Variants in GALNT14 observed in about 807,000 individuals in gnomAD.
The protein encoded by GALNT14 is polypeptide N-acetylgalactosaminyltransferase 14.
A neutral mutation model predicts 77.5 loss-of-function variants in GALNT14; 60 were observed. That is an observed-to-expected ratio of 0.77 (90% CI 0.63 to 0.96). The LOEUF is 0.96. Among genes scored for constraint, GALNT14 ranks in the 40% least tolerant of loss-of-function variants. The probability of loss-of-function intolerance (pLI) is 0.00; values close to 1 mark genes in which losing one functional copy is unlikely to be tolerated. For missense variants in GALNT14, 710 were observed against 731.0 expected, an observed-to-expected ratio of 0.97 and a Z score of 0.33; for synonymous variants, 280 against 281.7, an observed-to-expected ratio of 0.99 and a Z score of 0.06.
intron 11 of GALNT14, among the ~76,000 whole-genome samples, chr2:30,926,735 G>C (rs1665405911): frequency 6.8e-6 from 1 of 147,580 alleles, no homozygotes; most frequent in Admixed American, 6.7e-5. Flanking sequence ...GGGACTGGGG[G>C]ACACCAGAGG....
intron 6 of GALNT14, among the ~76,000 whole-genome samples, chr2:30,952,451 TC>T (rs1412337729): frequency 6.6e-6 from 1 of 151,404 alleles, no homozygotes; most frequent in Admixed American, 6.6e-5. Context: ...TGAGTTCATG[TC>T]CTTTGTAGGG....
chr2:31,099,049 T>G (rs2194466), intron 1 of GALNT14, among the ~76,000 whole-genome samples: 14,234 of 152,044 alleles, frequency 0.094, 928 homozygotes, highest in African/African-American at 0.18. Context: ...AAACCCATGT[T>G]GTTCTGAATT....
intron 10 of GALNT14, among the ~76,000 whole-genome samples, chr2:30,931,644 C>T (rs917265099): frequency 6.6e-6 from 1 of 152,074 alleles, no homozygotes; most frequent in African/African-American, 2.4e-5. Flanking sequence ...CTTGGGCCTC[C>T]CCATTCCCTG....
chr2:30,933,187 C>T (rs962719097), intron 9 of GALNT14, among the ~76,000 whole-genome samples: 17 of 152,156 alleles, frequency 1.1e-4, no homozygotes, highest in African/African-American at 3.6e-4. Flanking sequence ...GTTATCATTG[C>T]TCTTAAATTT....
intron 13 of GALNT14, among the ~76,000 whole-genome samples, chr2:30,912,728 T>TAGCA (rs1412531386): frequency 6.6e-6 from 1 of 152,212 alleles, no homozygotes; most frequent in Admixed American, 6.5e-5. Context: ...AGCAGCCATC[T>TAGCA]AGCAGGTCAA....
intron 1 of GALNT14, among the ~76,000 whole-genome samples, chr2:31,092,250 A>G (rs1393106904): frequency 7.2e-6 from 1 of 137,980 alleles, no homozygotes; most frequent in Non-Finnish European, 1.6e-5. Flanking sequence ...AATTTTCCTT[A>G]ATAAACTCCC....
chr2:31,100,909 A>G (rs182401924), intron 1 of GALNT14, among the ~76,000 whole-genome samples: 1 of 152,172 alleles, frequency 6.6e-6, no homozygotes, highest in Admixed American at 6.6e-5. Flanking sequence ...ATCTAACACA[A>G]ACCCTATTTT....
chr2:31,013,586 G>T (rs558405911), intron 1 of GALNT14, among the ~76,000 whole-genome samples: 1 of 152,126 alleles, frequency 6.6e-6, no homozygotes, highest in African/African-American at 2.4e-5. Context: ...GTTCAAGTAC[G>T]GACAGCAGGA....
intron 11 of GALNT14, among the ~76,000 whole-genome samples, chr2:30,928,092 T>C (rs1001098567): frequency 4.6e-5 from 7 of 152,028 alleles, no homozygotes; most frequent in African/African-American, 1.7e-4. Flanking sequence ...GGCCAACAGA[T>C]TGGAAGTTCT....
chr2:31,071,439 G>A (rs1675357982), intron 1 of GALNT14, among the ~76,000 whole-genome samples: 1 of 152,196 alleles, frequency 6.6e-6, no homozygotes, highest in Non-Finnish European at 1.5e-5. Flanking sequence ...CTGAAATCAA[G>A]GGTGGATGGA....
At chr2:30,924,349 G>C (rs75177802) in intron 12 of GALNT14, 86 bp from the exon 13 acceptor site, 1 of 1,406,092 alleles carries the variant, frequency 7.1e-7, no homozygotes, top group South Asian at 1.2e-5. Flanking sequence ...GCAGTGTTCT[G>C]AGAATGGCAG....
intron 1 of GALNT14, among the ~76,000 whole-genome samples, chr2:31,052,778 A>G (rs571136005): frequency 1.3e-5 from 2 of 152,350 alleles, no homozygotes; most frequent in East Asian, 3.9e-4. Context: ...AAACAAAAAT[A>G]CAGGACACCC....
chr2:30,901,543 T>C, the GALNT14 span, among the ~76,000 whole-genome samples: 1 of 151,608 alleles, frequency 6.6e-6, no homozygotes, highest in African/African-American at 2.4e-5. Flanking sequence ...TTAATACATA[T>C]ATATGAGTAT....
At chr2:31,123,558 T>C (rs1405625872) in intron 1 of GALNT14, among the ~76,000 whole-genome samples, 2 of 152,200 alleles carry the variant, frequency 1.3e-5, no homozygotes, top group Admixed American at 1.3e-4. Context: ...TTGCGGCAAA[T>C]GCTTCTTTCA....
intron 2 of GALNT14, among the ~76,000 whole-genome samples, chr2:30,982,555 A>G (rs1669052394): frequency 6.6e-6 from 1 of 152,246 alleles, no homozygotes; most frequent in Admixed American, 6.5e-5. Flanking sequence ...AGCCAGATAC[A>G]CATGAGTACA....
At chr2:30,969,302 A>G (rs1344237992) in intron 2 of GALNT14, among the ~76,000 whole-genome samples, 1 of 152,184 alleles carries the variant, frequency 6.6e-6, no homozygotes, top group East Asian at 1.9e-4. Context: ...ATGCTCTGAA[A>G]TCCCTCATGG....
chr2:30,928,303 A>G (rs941704277), intron 11 of GALNT14, among the ~76,000 whole-genome samples: 2 of 152,214 alleles, frequency 1.3e-5, no homozygotes, highest in African/African-American at 2.4e-5. Context: ...GGGTGATGTT[A>G]GTATGACAAA....
the GALNT14 span, among the ~76,000 whole-genome samples, chr2:30,896,417 T>C: frequency 0.019 from 2,875 of 152,328 alleles, 40 homozygotes; most frequent in Middle Eastern, 0.041. Flanking sequence ...AGTGGACTTC[T>C]TGGACTTGAA....
rs769848980 is a variant in GALNT14 at position 30,944,870 on chromosome 2, G to A, written c.815C>T (p.Thr272Met). 35 of 1,607,350 alleles carry A rather than the reference G, an allele frequency of 2.2e-5. No individual in the cohort carries two copies. Among genetic ancestry groups the A allele is most frequent in the East Asian group, 6.7e-5 (3 of 44,808 alleles). ...TCTTCCCACTTACCTGATGGGCTCC[G>A]TGGGGTCCAGGCGCCGAGCCTTCTG... The part of the protein sequence containing the change: ...PEQKARRLDP[T>M]EPIRTPIIAG... Residue 272 changes from threonine (T) to methionine (M), a missense_variant, in exon 8 of 15, where the codon ACG becomes ATG. Thr to Met is a moderately conservative substitution (Grantham distance 81). Coordinates refer to ENST00000349752, the MANE Select transcript of GALNT14 (RefSeq NM_024572.4).
Sources: allele counts gnomAD v4.1 joint callset (sites outside exome capture counted in the v4.1 genomes callset), GRCh38; gene constraint gnomAD v4.1.1; transcripts MANE v1.5; gene names NCBI Gene and HGNC (gene_info 2026-07-23, HGNC 2026-07-21).